MAPK8: variants seen among roughly 807,000 people sequenced by gnomAD.
MAPK8 encodes JUN N-terminal kinase.
In MAPK8, 13 loss-of-function variants were observed where a neutral mutation model predicts 52.9. The observed-to-expected ratio is 0.25, with a 90% confidence interval of 0.16 to 0.39. MAPK8 has a LOEUF of 0.39. Among genes scored for constraint, MAPK8 ranks in the 10% least tolerant of loss-of-function variants. The pLI is 1.00. For synonymous variants in MAPK8, 191 were observed against 169.8 expected, an observed-to-expected ratio of 1.12 and a Z score of -0.97; for missense variants, 300 against 519.2, an observed-to-expected ratio of 0.58 and a Z score of 4.10.
In MAPK8 at chr10:48,361,078, G is replaced by A. The variant is rs78731450; in HGVS notation, c.-49-40534G>A. Among the ~76,000 whole-genome samples, 679 of 152,126 alleles carry A rather than the reference G, an allele frequency of 4.5e-3. 9 individuals carry two copies. Among genetic ancestry groups the A allele is most frequent in the South Asian group, 0.029 (138 of 4,814 alleles). On this transcript the variant is annotated intron_variant, in intron 1 of 11. Transcript: ENST00000374189. ...AAGGAAAATAAAAATAACCAAAATCGATAAAAAGAAAAAGACCTGATTGAT... is the reference window on the plus strand; with the variant it reads ...AAGGAAAATAAAAATAACCAAAATCAATAAAAAGAAAAAGACCTGATTGAT...
intron 1 of MAPK8, among the ~76,000 whole-genome samples, chr10:48,377,471 A>G (rs2040740762): frequency 6.6e-6 from 1 of 152,248 alleles, no homozygotes; most frequent in African/African-American, 2.4e-5. Flanking sequence ...TTAGTTGGGT[A>G]CATGGCTACT....
At chr10:48,376,610 C>A (rs1183789080) in intron 1 of MAPK8, among the ~76,000 whole-genome samples, 1 of 152,116 alleles carries the variant, frequency 6.6e-6, no homozygotes, top group Non-Finnish European at 1.5e-5. Flanking sequence ...ATTTATGCAG[C>A]CAACAAACAT....
intron 1 of MAPK8, among the ~76,000 whole-genome samples, chr10:48,391,862 C>T (rs1357182318): frequency 1.3e-5 from 2 of 152,134 alleles, no homozygotes; most frequent in African/African-American, 4.8e-5. Flanking sequence ...AGGGAAACAC[C>T]TTTACCAGTT....
At chr10:48,314,525 G>A (rs1281318915) in intron 1 of MAPK8, among the ~76,000 whole-genome samples, 2 of 152,118 alleles carry the variant, frequency 1.3e-5, no homozygotes, top group Non-Finnish European at 2.9e-5. Flanking sequence ...TGCATACGTC[G>A]TGTTGCACTT....
intron 9 of MAPK8, 147 bp downstream of exon 9, chr10:48,426,651 A>C: frequency 1.3e-6 from 1 of 741,848 alleles, no homozygotes; most frequent in African/African-American, 1.8e-5. Flanking sequence ...GACTACGTCA[A>C]ATAAACTAAT....
chr10:48,352,161 T>C (rs901812171), intron 1 of MAPK8, among the ~76,000 whole-genome samples: 1 of 152,092 alleles, frequency 6.6e-6, no homozygotes, highest in South Asian at 2.1e-4. Context: ...AAAATGAAAA[T>C]AGGCCCGAAT....
intron 1 of MAPK8, among the ~76,000 whole-genome samples, chr10:48,357,999 A>C (rs961266984): frequency 2.0e-5 from 3 of 152,194 alleles, no homozygotes; most frequent in African/African-American, 7.2e-5. Context: ...CTCAAGGTTC[A>C]TCCATATTGT....
At chr10:48,322,029 G>A (rs544477100) in intron 1 of MAPK8, among the ~76,000 whole-genome samples, 91 of 152,270 alleles carry the variant, frequency 6.0e-4, no homozygotes, top group Non-Finnish European at 1.1e-3. Flanking sequence ...TAGTTCACTC[G>A]CTTGTGGCAA....
chr10:48,333,922 GC>G, intron 1 of MAPK8, among the ~76,000 whole-genome samples: 1 of 151,076 alleles, frequency 6.6e-6, no homozygotes, highest in East Asian at 1.9e-4. Flanking sequence ...AGGCTCCAAA[GC>G]AGTGGAGCCT....
At chr10:48,427,936 G>A (rs2043798534) in intron 10 of MAPK8, among the ~76,000 whole-genome samples, 1 of 152,144 alleles carries the variant, frequency 6.6e-6, no homozygotes, top group Non-Finnish European at 1.5e-5. Flanking sequence ...TGTCCAGTCT[G>A]TTGCTGTTAG....
intron 1 of MAPK8, among the ~76,000 whole-genome samples, chr10:48,363,373 G>C (rs1036388074): frequency 6.6e-6 from 1 of 152,078 alleles, no homozygotes; most frequent in Non-Finnish European, 1.5e-5. Context: ...TTGGTAGCTG[G>C]AGCTGGCAAG....
chr10:48,309,788 A>G (rs1314764458), intron 1 of MAPK8, among the ~76,000 whole-genome samples: 1 of 152,198 alleles, frequency 6.6e-6, no homozygotes, highest in Non-Finnish European at 1.5e-5. Flanking sequence ...ACGAGTGGAA[A>G]TACAAAATAA....
At chr10:48,315,110 C>T (rs1842366596) in intron 1 of MAPK8, among the ~76,000 whole-genome samples, 1 of 152,134 alleles carries the variant, frequency 6.6e-6, no homozygotes, top group Admixed American at 6.6e-5. Context: ...AGGTCTAATT[C>T]CCTTTTATTT....
rs146145881 is a variant in MAPK8, at chr10:48,416,762, G to A, written c.451-3393G>A. ...ACAGACATTGTGAGTGTCCCTTGCC[G>A]TGGGTGGGGAATATTCCTAATCAGT... is the stretch of plus-strand genomic sequence containing the variant. On this transcript the variant is annotated intron_variant, in intron 5 of 11. Transcript: ENST00000374189. 2.5e-3 allele frequency among the ~76,000 whole-genome samples: 373 copies of A among 152,238 alleles called. 1 individual carries two copies. The highest frequency in any genetic ancestry group is 8.4e-3 in the African/African-American group (351 of 41,552).
In MAPK8 at chr10:48,410,183, C is replaced by T. The variant is rs1319287261; in HGVS notation, c.450+15C>T. The T allele has an allele frequency of 6.7e-7, 1 of 1,495,456 alleles. No individual in the cohort carries two copies. The highest frequency in any genetic ancestry group is 2.3e-5 in the East Asian group (1 of 42,982). The allele number at this position is 1,495,456 out of a possible 1,614,324, so 92.6% of individuals were successfully genotyped here. A position where few individuals can be genotyped will look rare whatever the true frequency, so the allele number is the denominator to read the frequency against. On this transcript the variant is annotated intron_variant, in intron 5 of 11. Transcript: ENST00000374189. ...TTATTCATCGGGTTAGTAGAAGAAA[C>T]TATCGTCATACTCTTTGTTTTCTCA...
At chr10:48,401,275 A>C (rs2042145451) in intron 1 of MAPK8, among the ~76,000 whole-genome samples, 1 of 152,178 alleles carries the variant, frequency 6.6e-6, no homozygotes, top group Admixed American at 6.5e-5. Flanking sequence ...ACTGGTTTTA[A>C]ATTTTAAACT....
At chr10:48,415,430 A>C (rs2043011381) in intron 5 of MAPK8, among the ~76,000 whole-genome samples, 1 of 152,192 alleles carries the variant, frequency 6.6e-6, no homozygotes, top group African/African-American at 2.4e-5. Flanking sequence ...CAAGAACCAC[A>C]AAAAACAAAC....
chr10:48,405,125 A>ATATATC (rs780050363), intron 3 of MAPK8, 144 bp downstream of exon 3: 43 of 277,276 alleles, frequency 1.6e-4, no homozygotes, highest in Non-Finnish European at 2.4e-4. Context: ...ATATATATAT[A>ATATATC]TATCTACAGG....
chr10:48,309,911 A>G (rs1278024737), intron 1 of MAPK8, among the ~76,000 whole-genome samples: 2 of 152,202 alleles, frequency 1.3e-5, no homozygotes, highest in Non-Finnish European at 2.9e-5. Context: ...ACATAGCTTT[A>G]TATATGAATC....
Sources: allele counts gnomAD v4.1 joint callset (sites outside exome capture counted in the v4.1 genomes callset), GRCh38; gene constraint gnomAD v4.1.1; transcripts MANE v1.5; gene names NCBI Gene and HGNC (gene_info 2026-07-23, HGNC 2026-07-21).